The following CNTNAP2 variants were observed in gnomAD, a reference collection of about 807,000 sequenced individuals.
CNTNAP2 encodes contactin-associated protein-like 2.
CNTNAP2 carries 98 observed loss-of-function variants against 155.2 expected under a neutral mutation model. The observed-to-expected ratio is 0.63, with a 90% confidence interval of 0.54 to 0.75. The LOEUF (loss-of-function observed/expected upper bound fraction) is 0.75. Ranked by LOEUF, CNTNAP2 falls within the 30% of genes least tolerant of loss-of-function variation. The probability of loss-of-function intolerance (pLI) is 0.00; values close to 1 mark genes in which losing one functional copy is unlikely to be tolerated. For missense variants in CNTNAP2, 1,727 were observed against 1,688.1 expected (o/e 1.02, Z -0.40); for synonymous variants, 651 against 631.2 (o/e 1.03, Z -0.47).
At chr7:147,075,981 G>C (rs576423401) in intron 4 of CNTNAP2, among the ~76,000 whole-genome samples, 1 of 152,048 alleles carries the variant, frequency 6.6e-6, no homozygotes, top group Admixed American at 6.6e-5. Context: ...TTATGGCTGC[G>C]TAGTATTCCA....
chr7:147,338,002 T>C (rs572424144), intron 9 of CNTNAP2, among the ~76,000 whole-genome samples: 4 of 152,230 alleles, frequency 2.6e-5, no homozygotes, highest in Middle Eastern at 3.4e-3. Context: ...TGGTTTTATA[T>C]TTAGTCTGGA....
At chr7:147,611,488 T>G (rs1322642738) in intron 12 of CNTNAP2, among the ~76,000 whole-genome samples, 1 of 152,160 alleles carries the variant, frequency 6.6e-6, no homozygotes, top group African/African-American at 2.4e-5. Flanking sequence ...ATAAAAACAT[T>G]AACGGATATC....
intron 1 of CNTNAP2, among the ~76,000 whole-genome samples, chr7:146,546,541 A>T (rs945632226): frequency 6.6e-6 from 1 of 151,814 alleles, no homozygotes; most frequent in African/African-American, 2.4e-5. Flanking sequence ...CTCCCCTTCT[A>T]TTCTTTCTAC....
chr7:146,303,719 G>A (rs1325280283), intron 1 of CNTNAP2, among the ~76,000 whole-genome samples: 2 of 152,150 alleles, frequency 1.3e-5, no homozygotes, highest in African/African-American at 4.8e-5. Context: ...TAAGTGTGTT[G>A]TGGTGCTGAG....
At chr7:147,021,605 T>A (rs941721466) in intron 3 of CNTNAP2, among the ~76,000 whole-genome samples, 2 of 152,164 alleles carry the variant, frequency 1.3e-5, no homozygotes, top group African/African-American at 4.8e-5. Context: ...TAAAACAACC[T>A]CAAGGTTTCT....
intron 21 of CNTNAP2, among the ~76,000 whole-genome samples, chr7:148,300,523 AT>A (rs796564497): frequency 0.01 from 1,492 of 142,222 alleles, 23 homozygotes; most frequent in African/African-American, 0.035. Flanking sequence ...AATCATAACA[AT>A]TTTTTTTTTT....
At chr7:146,843,968 G>A (rs1163870904) in intron 3 of CNTNAP2, among the ~76,000 whole-genome samples, 1 of 152,048 alleles carries the variant, frequency 6.6e-6, no homozygotes, top group Admixed American at 6.5e-5. Flanking sequence ...AAATATAGAA[G>A]ATAATGTATA....
chr7:147,925,335 T>C (rs1344591279), intron 14 of CNTNAP2, among the ~76,000 whole-genome samples: 1 of 148,094 alleles, frequency 6.8e-6, no homozygotes, highest in South Asian at 2.2e-4. Flanking sequence ...CACACACAGC[T>C]TTCCCCCATG....
intron 11 of CNTNAP2, among the ~76,000 whole-genome samples, chr7:147,559,169 C>T (rs761639640): frequency 2.6e-5 from 4 of 152,214 alleles, no homozygotes; most frequent in Non-Finnish European, 5.9e-5. Flanking sequence ...AGCCACCGTG[C>T]CCGGCCTAAT....
At chr7:146,649,328 GCTT>G (rs2129163281) in intron 1 of CNTNAP2, among the ~76,000 whole-genome samples, 1 of 152,168 alleles carries the variant, frequency 6.6e-6, no homozygotes, top group East Asian at 1.9e-4. Context: ...GTAATGAACA[GCTT>G]CTGCAGTATA....
intron 6 of CNTNAP2, 113 bp from the exon 7 acceptor site, chr7:147,128,580 T>C (rs1801284427): frequency 8.5e-7 from 1 of 1,170,614 alleles, no homozygotes; most frequent in East Asian, 2.4e-5. Context: ...AATGCTATAA[T>C]ATTTGTATAT....
At chr7:146,613,336 A>G (rs924317215) in intron 1 of CNTNAP2, among the ~76,000 whole-genome samples, 22 of 152,184 alleles carry the variant, frequency 1.4e-4, no homozygotes, top group African/African-American at 4.1e-4. Context: ...ACAGTCCTTT[A>G]ATTTCTTATC....
intron 1 of CNTNAP2, among the ~76,000 whole-genome samples, chr7:146,201,422 T>C (rs1379150883): frequency 6.6e-6 from 1 of 152,200 alleles, no homozygotes; most frequent in Non-Finnish European, 1.5e-5. Flanking sequence ...AGATGATTAT[T>C]GGCAGCTCCT....
At position 147,121,163 on chromosome 7, in the gene CNTNAP2, G is replaced by C; in HGVS notation, c.939G>C (p.Glu313Asp). 1 of 1,613,866 alleles carries C rather than the reference G, an allele frequency of 6.2e-7. No homozygotes were observed. Among genetic ancestry groups the C allele is most frequent in the Non-Finnish European group, 8.5e-7 (1 of 1,179,812 alleles). ...GEFDYLDLDY[E>D]ITFGGIPFSG... is the part of the protein sequence containing the mutation. The stretch of plus-strand genomic sequence containing the variant: ...TTGACTACCTGGACTTGGACTATGA[G>C]GTACATGTGATGACGTAGAAATTGT... The change falls in exon 6 of 24, where the codon GAG becomes GAC. Residue 313 changes from glutamate (E) to aspartate (D), a missense_variant and splice_region_variant. Glu to Asp is a conservative substitution (Grantham distance 45, BLOSUM62 2). Coordinates refer to ENST00000361727, the MANE Select transcript of CNTNAP2 (RefSeq NM_014141.6).
chr7:147,043,679 A>G (rs1490149718), intron 3 of CNTNAP2, among the ~76,000 whole-genome samples: 1 of 152,214 alleles, frequency 6.6e-6, no homozygotes, highest in East Asian at 1.9e-4. Context: ...CTTTTAACGT[A>G]TGTTTACATG....
At position 146,369,653 on chromosome 7, in the gene CNTNAP2, A is replaced by G. The variant is rs182109223; in HGVS notation, c.97+252680A>G. 5.9e-3 allele frequency among the ~76,000 whole-genome samples: 897 copies of G among 152,256 alleles called. 10 individuals are homozygous for G. Among genetic ancestry groups the G allele is most frequent in the Non-Finnish European group, 9.4e-3 (639 of 68,020 alleles). On this transcript the variant is annotated intron_variant, in intron 1 of 23. Coordinates refer to ENST00000361727, the MANE Select transcript of CNTNAP2 (RefSeq NM_014141.6). ...AATTATTATTTACCTTCACATATGTATAGTGGAACACTGAGCATATGTTTA... is the reference window on the plus strand; with the variant it reads ...AATTATTATTTACCTTCACATATGTGTAGTGGAACACTGAGCATATGTTTA...
chr7:147,132,638 T>C, intron 8 of CNTNAP2, 129 bp downstream of exon 8: 1 of 1,267,276 alleles, frequency 7.9e-7, no homozygotes. Context: ...TTCAAGACGC[T>C]TACTTGGTTG....
intron 13 of CNTNAP2, among the ~76,000 whole-genome samples, chr7:147,659,991 T>C (rs533277485): frequency 3.9e-5 from 6 of 152,358 alleles, no homozygotes; most frequent in African/African-American, 1.4e-4. Flanking sequence ...CACCTGGATG[T>C]CCTCAGAATG....
chr7:146,699,741 G>T, intron 1 of CNTNAP2, among the ~76,000 whole-genome samples: 1 of 152,066 alleles, frequency 6.6e-6, no homozygotes, highest in East Asian at 1.9e-4. Flanking sequence ...GCCGAGGTGG[G>T]AGGATCATCT....
Sources: allele counts gnomAD v4.1 joint callset (sites outside exome capture counted in the v4.1 genomes callset), GRCh38; gene constraint gnomAD v4.1.1; transcripts MANE v1.5; gene names NCBI Gene and HGNC (gene_info 2026-07-23, HGNC 2026-07-21).